RIMKLB: variants seen among roughly 807,000 people sequenced by gnomAD.
The protein encoded by RIMKLB is beta-citrylglutamate synthase B.
In RIMKLB, 7 loss-of-function variants were observed where a neutral mutation model predicts 32.0. The ratio of observed to expected loss-of-function variants is 0.22; its 90% CI spans 0.12 to 0.41. The LOEUF is 0.41. Among genes scored for constraint, RIMKLB ranks in the 10% least tolerant of loss-of-function variants. RIMKLB has a pLI of 1.00. For synonymous variants in RIMKLB, 172 were observed against 185.1 expected, an observed-to-expected ratio of 0.93 and a Z score of 0.57; for missense variants, 289 against 498.7, an observed-to-expected ratio of 0.58 and a Z score of 4.00.
chr12:8,778,637 C>G (rs1301492351), downstream of RIMKLB, among the ~76,000 whole-genome samples: 1 of 152,206 alleles, frequency 6.6e-6, no homozygotes, highest in Non-Finnish European at 1.5e-5. Context: ...AAACTATCCT[C>G]TCCTCCGTCT....
Position 8,752,042 on chromosome 12 carries a change from A to G in RIMKLB, c.492A>G (p.Arg164=). 1.3e-6 allele frequency: 2 copies of G among 1,585,498 alleles called. No individual in the cohort carries two copies. Among genetic ancestry groups the G allele is most frequent in the Non-Finnish European group, 1.7e-6 (2 of 1,154,324 alleles). The change falls in exon 4 of 6, where the codon AGA becomes AGG. Residue 164 remains arginine (R), a splice_region_variant and synonymous_variant. Coordinates refer to ENST00000535829, the MANE Select transcript of RIMKLB (RefSeq NM_001297776.2). The stretch of plus-strand genomic sequence containing the variant: ...TAGTAAAGAATACGCGGGGTCACAG[A>G]GGTATGTATGAGTTGTTGGTAAGGT... ...PMVVKNTRGH[R]GKAVFLARDK...
At chr12:8,677,677 T>C (rs1465391189), upstream of RIMKLB, among the ~76,000 whole-genome samples, 1 of 152,098 alleles carries the variant, frequency 6.6e-6, no homozygotes, top group Non-Finnish European at 1.5e-5. Context: ...TAGCATGACA[T>C]ACATAGCTAT....
chr12:8,674,926 C>A, the RIMKLB span, among the ~76,000 whole-genome samples: 1 of 144,668 alleles, frequency 6.9e-6, no homozygotes, highest in Non-Finnish European at 1.5e-5. Context: ...TGCAATGGCA[C>A]GATCTTGGCT....
intron 1 of RIMKLB, 37 bp downstream of exon 1, chr12:8,698,334 G>C (rs1350031070): frequency 4.3e-6 from 1 of 231,340 alleles, no homozygotes; most frequent in South Asian, 3.5e-5. Context: ...CGGGTGTAGA[G>C]CAGTGAGGCG....
rs552182013 is a variant in RIMKLB, at chr12:8,774,732, T to C, written c.*948T>C. 1.9e-5 allele frequency: 19 copies of C among 985,692 alleles called. No individual in the cohort carries two copies. Among genetic ancestry groups the C allele is most frequent in the Non-Finnish European group, 2.3e-5 (19 of 829,900 alleles). 61.1% of individuals were successfully genotyped at this position (985,692 alleles called of 1,614,324 possible). A position where few individuals can be genotyped will look rare whatever the true frequency, so the allele number is the denominator to read the frequency against. ...CCTTTTATTTTTTCCCTTTTTGTTT[T>C]GGTAGTTGGGCATTTAAATAAGGAC... On this transcript the variant is annotated 3_prime_UTR_variant, in exon 6 of 6. Transcript: ENST00000535829.
At chr12:8,721,036 A>G (rs1453740912) in intron 2 of RIMKLB, among the ~76,000 whole-genome samples, 1 of 152,216 alleles carries the variant, frequency 6.6e-6, no homozygotes, top group African/African-American at 2.4e-5. Context: ...GTGCTAGGAT[A>G]TGGTTTAAAA....
chr12:8,714,135 C>T lies in RIMKLB; in HGVS notation c.175+94C>T, dbSNP rs1944602224. ...ATAATTAGGACAGAGGAATTCTTAG[C>T]CTTGTCATTACTAAGTATCTTCTAA... On this transcript the variant is annotated intron_variant, in intron 2 of 5. Coordinates refer to ENST00000535829, the MANE Select transcript of RIMKLB (RefSeq NM_001297776.2). 7.1e-6 allele frequency: 7 copies of T among 983,884 alleles called. No individual in the cohort carries two copies. In the East Asian group the frequency reaches 1.8e-4, roughly 25 times the overall value. The allele number at this position is 983,884 out of a possible 1,614,324, so 60.9% of individuals were successfully genotyped here. A position where few individuals can be genotyped will look rare whatever the true frequency, so the allele number is the denominator to read the frequency against.
chr12:8,706,602 C>T (rs1943903302), intron 1 of RIMKLB, among the ~76,000 whole-genome samples: 1 of 151,632 alleles, frequency 6.6e-6, no homozygotes, highest in South Asian at 2.1e-4. Context: ...AGGTGTGCAC[C>T]CCTGCGTCCG....
the RIMKLB span, among the ~76,000 whole-genome samples, chr12:8,674,863 C>CT: frequency 0.23 from 29,055 of 128,242 alleles, 3,995 homozygotes; most frequent in Non-Finnish European, 0.31. Context: ...TGTCACAATT[C>CT]TTTTTTTTTT....
At chr12:8,730,090 C>G (rs1946400421) in intron 2 of RIMKLB, among the ~76,000 whole-genome samples, 1 of 152,056 alleles carries the variant, frequency 6.6e-6, no homozygotes, top group South Asian at 2.1e-4. Context: ...TGCTTTTGTT[C>G]TTTGTGTGTG....
chr12:8,742,450 A>T, intron 2 of RIMKLB: 1 of 377,802 alleles, frequency 2.6e-6, no homozygotes. Flanking sequence ...TTTATGTCCT[A>T]CAAAGAGCAC....
At chr12:8,697,902 C>T (rs1298787514), upstream of RIMKLB, 2 of 147,572 alleles carry the variant, frequency 1.4e-5, no homozygotes, top group Non-Finnish European at 3.0e-5. Flanking sequence ...CGCTCCTCAG[C>T]AAGCGGGCGG....
At chr12:8,782,116 G>C (rs1421477955), downstream of RIMKLB, among the ~76,000 whole-genome samples, 1 of 140,144 alleles carries the variant, frequency 7.1e-6, no homozygotes, top group Non-Finnish European at 1.6e-5. Context: ...AAATTTTAAT[G>C]CTTTAGAACT....
chr12:8,680,388 T>C (rs977321030), upstream of RIMKLB, among the ~76,000 whole-genome samples: 1 of 152,006 alleles, frequency 6.6e-6, no homozygotes, highest in South Asian at 2.1e-4. Context: ...CTCCATCTCC[T>C]GACCTCGTGA....
chr12:8,731,470 T>C (rs7953439), intron 2 of RIMKLB, among the ~76,000 whole-genome samples: 3,731 of 151,796 alleles, frequency 0.025, 141 homozygotes, highest in African/African-American at 0.085. Flanking sequence ...TTTTTTTTAA[T>C]GTTAGGCAAG....
intron 5 of RIMKLB, among the ~76,000 whole-genome samples, chr12:8,759,836 C>G (rs1383401632): frequency 6.6e-6 from 1 of 152,130 alleles, no homozygotes; most frequent in Non-Finnish European, 1.5e-5. Flanking sequence ...TAGTGTTTTG[C>G]TATTTAGGAT....
At chr12:8,768,448 G>T (rs1240513803) in intron 5 of RIMKLB, among the ~76,000 whole-genome samples, 1 of 152,206 alleles carries the variant, frequency 6.6e-6, no homozygotes, top group Admixed American at 6.5e-5. Context: ...TACAAAGGGA[G>T]GGGACCCAAA....
chr12:8,721,234 G>A lies in RIMKLB; in HGVS notation c.175+7193G>A, dbSNP rs751303600. On this transcript the variant is annotated intron_variant, in intron 2 of 5. Coordinates refer to ENST00000535829, the MANE Select transcript of RIMKLB (RefSeq NM_001297776.2). ...TGATGGCTACTGACTAGTCAGGGTGGTGGTTGCTGAAGGTGGCTGTGGCAT... is the reference window on the plus strand; with the variant it reads ...TGATGGCTACTGACTAGTCAGGGTGATGGTTGCTGAAGGTGGCTGTGGCAT... Among the ~76,000 whole-genome samples, 3 of 152,292 alleles carry A rather than the reference G, an allele frequency of 2.0e-5. No homozygotes were observed. In the East Asian group the frequency reaches 5.8e-4, roughly 29 times the overall value.
rs929044914 is a variant in RIMKLB, at chr12:8,706,731, G to C, written c.-56-7080G>C. ...AGCCCTCCAAAGTGCTGGGATTACC[G>C]GCATGAACCACCATGCCTGTCCTTT... On this transcript the variant is annotated intron_variant, in intron 1 of 5. Transcript: ENST00000535829. 2.0e-5 allele frequency among the ~76,000 whole-genome samples: 3 copies of C among 151,752 alleles called. 1 individual carries two copies. Among genetic ancestry groups the C allele is most frequent in the Admixed American group, 2.0e-4 (3 of 15,204 alleles).
Sources: allele counts gnomAD v4.1 joint callset (sites outside exome capture counted in the v4.1 genomes callset), GRCh38; gene constraint gnomAD v4.1.1; transcripts MANE v1.5; gene names NCBI Gene and HGNC (gene_info 2026-07-23, HGNC 2026-07-21).